The following LRP1B variants were observed in gnomAD, a reference collection of about 807,000 sequenced individuals.
The protein encoded by LRP1B is LDL receptor related protein 1B, also known as low-density lipoprotein receptor-related protein 1B.
A neutral mutation model predicts 556.6 loss-of-function variants in LRP1B; 217 were observed. The observed-to-expected ratio is 0.39, with a 90% CI of 0.35 to 0.44. The LOEUF is 0.44. Ranked by LOEUF, LRP1B falls within the 20% of genes least tolerant of loss-of-function variation. The pLI is 1.00. For missense variants in LRP1B, 5,053 were observed against 5,620.8 expected, an observed-to-expected ratio of 0.90 and a Z score of 3.23; for synonymous variants, 2,047 against 1,865.8, an observed-to-expected ratio of 1.10 and a Z score of -2.50.
At chr2:141,455,626 T>C (rs1305733736) in intron 3 of LRP1B, among the ~76,000 whole-genome samples, 2 of 152,118 alleles carry the variant, frequency 1.3e-5, no homozygotes, top group Non-Finnish European at 2.9e-5. Context: ...CACTGAATCA[T>C]GAGGCAAGAA....
intron 18 of LRP1B, among the ~76,000 whole-genome samples, chr2:140,958,721 C>A (rs1573922290): frequency 1.3e-5 from 2 of 151,520 alleles, no homozygotes; most frequent in East Asian, 3.9e-4. Flanking sequence ...CACATAAACA[C>A]CGTAGTGAAA....
At chr2:141,888,258 G>A (rs1699183913) in intron 1 of LRP1B, among the ~76,000 whole-genome samples, 1 of 152,144 alleles carries the variant, frequency 6.6e-6, no homozygotes, top group Admixed American at 6.5e-5. Flanking sequence ...CTATTTCCCA[G>A]TTATACATTG....
intron 43 of LRP1B, among the ~76,000 whole-genome samples, chr2:140,575,870 C>T (rs1012339111): frequency 6.6e-6 from 1 of 151,510 alleles, no homozygotes; most frequent in Non-Finnish European, 1.5e-5. Flanking sequence ...TGCAATGAGC[C>T]GAGATCACGC....
chr2:140,647,356 AT>A (rs1684520836), intron 41 of LRP1B, among the ~76,000 whole-genome samples: 1 of 152,118 alleles, frequency 6.6e-6, no homozygotes, highest in Non-Finnish European at 1.5e-5. Flanking sequence ...AAATTGTCTT[AT>A]TTTTTATATA....
chr2:141,966,036 C>T (rs116511549), intron 1 of LRP1B, among the ~76,000 whole-genome samples: 3,710 of 151,856 alleles, frequency 0.024, 152 homozygotes, highest in African/African-American at 0.084. Context: ...ACGCATCCAA[C>T]TCCCATCTAC....
intron 32 of LRP1B, among the ~76,000 whole-genome samples, chr2:140,795,501 A>G (rs1238346900): frequency 6.6e-6 from 1 of 152,182 alleles, no homozygotes; most frequent in Non-Finnish European, 1.5e-5. Context: ...TCAGAATTAA[A>G]TTGATACAGA....
At chr2:141,432,656 T>G (rs142459988) in intron 3 of LRP1B, among the ~76,000 whole-genome samples, 324 of 152,120 alleles carry the variant, frequency 2.1e-3, no homozygotes, top group African/African-American at 7.1e-3. Context: ...GTAACCTCTG[T>G]CTATTAATTT....
At chr2:142,030,443 C>T (rs553089577) in intron 1 of LRP1B, among the ~76,000 whole-genome samples, 3 of 151,912 alleles carry the variant, frequency 2.0e-5, no homozygotes, top group African/African-American at 7.2e-5. Context: ...TTATATAAAA[C>T]TTTAAATGAT....
intron 2 of LRP1B, among the ~76,000 whole-genome samples, chr2:141,615,811 A>G (rs1688275064): frequency 6.6e-6 from 1 of 152,188 alleles, no homozygotes; most frequent in Non-Finnish European, 1.5e-5. Flanking sequence ...GTAAGGTCTT[A>G]GCATTTATTC....
At chr2:140,910,171 T>C (rs1694377102) in intron 21 of LRP1B, among the ~76,000 whole-genome samples, 2 of 150,822 alleles carry the variant, frequency 1.3e-5, no homozygotes, top group East Asian at 3.9e-4. Context: ...AGTAATTTAA[T>C]GTAATAGTAG....
At chr2:141,450,523 C>A (rs1332325886) in intron 3 of LRP1B, among the ~76,000 whole-genome samples, 1 of 151,706 alleles carries the variant, frequency 6.6e-6, no homozygotes, top group East Asian at 1.9e-4. Flanking sequence ...TCAACTTCAT[C>A]ATCACTGATG....
intron 1 of LRP1B, among the ~76,000 whole-genome samples, chr2:141,903,404 T>A (rs1699676399): frequency 6.6e-6 from 1 of 151,944 alleles, no homozygotes; most frequent in African/African-American, 2.4e-5. Context: ...TCACTCCATC[T>A]CATGAAATTC....
rs116741882 is a variant in LRP1B at position 141,276,945 on chromosome 2, C to T, written c.344-22304G>A. Among the ~76,000 whole-genome samples, 769 of 152,138 alleles carry T rather than the reference C, an allele frequency of 5.1e-3. 5 individuals carry two copies. The highest frequency in any genetic ancestry group is 0.018 in the African/African-American group (752 of 41,512). On this transcript the variant is annotated intron_variant, in intron 3 of 90. Coordinates refer to ENST00000389484, the MANE Select transcript of LRP1B (RefSeq NM_018557.3). ...TGCTGGGATTACAGGCGCGAGACAC[C>T]GCTCCCGGCCCCCATCTCATTCTAT...
At chr2:140,521,206 C>T (rs1690157968) in intron 49 of LRP1B, among the ~76,000 whole-genome samples, 1 of 151,970 alleles carries the variant, frequency 6.6e-6, no homozygotes, top group Non-Finnish European at 1.5e-5. Context: ...AGATCTCCTG[C>T]AAGATACTGA....
chr2:141,420,477 A>T (rs1177301375), intron 3 of LRP1B, among the ~76,000 whole-genome samples: 2 of 151,344 alleles, frequency 1.3e-5, no homozygotes, highest in African/African-American at 4.8e-5. Flanking sequence ...TCAGTTAGAA[A>T]GAATTGGCAG....
intron 32 of LRP1B, among the ~76,000 whole-genome samples, chr2:140,779,714 A>AGTGT (rs1553531423): frequency 5.1e-5 from 7 of 136,342 alleles, no homozygotes; most frequent in African/African-American, 1.7e-4. Flanking sequence ...AAAAAAAAAA[A>AGTGT]GTGTGTGTGT....
intron 37 of LRP1B, among the ~76,000 whole-genome samples, chr2:140,710,936 T>G (rs940046891): frequency 2.0e-5 from 3 of 151,936 alleles, no homozygotes; most frequent in Admixed American, 6.6e-5. Flanking sequence ...AGTAATGACA[T>G]TAGTAATGTG....
chr2:141,902,871 A>C (rs1699659906), intron 1 of LRP1B, among the ~76,000 whole-genome samples: 1 of 152,026 alleles, frequency 6.6e-6, no homozygotes, highest in Non-Finnish European at 1.5e-5. Flanking sequence ...AAAGAAAAAA[A>C]TATATTTTTA....
At chr2:141,418,293 T>C (rs1679994707) in intron 3 of LRP1B, among the ~76,000 whole-genome samples, 1 of 152,180 alleles carries the variant, frequency 6.6e-6, no homozygotes, top group African/African-American at 2.4e-5. Context: ...TTTGGTATTA[T>C]ATTCAAAAAA....
Sources: allele counts gnomAD v4.1 joint callset (sites outside exome capture counted in the v4.1 genomes callset), GRCh38; gene constraint gnomAD v4.1.1; transcripts MANE v1.5; gene names NCBI Gene and HGNC (gene_info 2026-07-23, HGNC 2026-07-21).